Variants in CDH12 observed in about 807,000 individuals in gnomAD.
CDH12 encodes the protein cadherin-12.
CDH12 carries 41 observed loss-of-function variants against 74.1 expected under a neutral mutation model. That is an observed-to-expected ratio of 0.55 (90% CI 0.43 to 0.72). CDH12 has a LOEUF of 0.72. CDH12 is among the 30% of genes least tolerant of loss of function. The pLI, the probability that CDH12 is intolerant of heterozygous loss-of-function variation, is 0.00. For synonymous variants in CDH12, 399 were observed against 355.0 expected, an observed-to-expected ratio of 1.12 and a Z score of -1.39; for missense variants, 945 against 977.2, an observed-to-expected ratio of 0.97 and a Z score of 0.44.
intron 2 of CDH12, among the ~76,000 whole-genome samples, chr5:22,501,942 T>G (rs532111419): frequency 3.1e-4 from 47 of 152,234 alleles, no homozygotes; most frequent in Middle Eastern, 6.8e-3. Context: ...TGTCAGGACC[T>G]GATATTCATA....
At chr5:22,125,570 G>A (rs1392234666) in intron 4 of CDH12, among the ~76,000 whole-genome samples, 12 of 152,068 alleles carry the variant, frequency 7.9e-5, no homozygotes, top group Non-Finnish European at 1.2e-4. Context: ...CGGCTTAGCC[G>A]TCTCTGCTGG....
chr5:22,364,863 G>A (rs968249411), intron 3 of CDH12, among the ~76,000 whole-genome samples: 1 of 152,084 alleles, frequency 6.6e-6, no homozygotes, highest in African/African-American at 2.4e-5. Context: ...GAAAGTAGAA[G>A]AAATCAGGCC....
At chr5:22,180,345 C>T (rs1246655394) in intron 4 of CDH12, among the ~76,000 whole-genome samples, 1 of 152,088 alleles carries the variant, frequency 6.6e-6, no homozygotes, top group Non-Finnish European at 1.5e-5. Context: ...ATCTTTTCTT[C>T]CCACAACCTA....
At chr5:22,706,448 C>T (rs1743014342) in intron 1 of CDH12, among the ~76,000 whole-genome samples, 1 of 151,818 alleles carries the variant, frequency 6.6e-6, no homozygotes, top group Non-Finnish European at 1.5e-5. Flanking sequence ...ACAGATTTTA[C>T]CTTGATAAAT....
At chr5:21,837,677 G>A (rs1204607322) in intron 8 of CDH12, among the ~76,000 whole-genome samples, 1 of 152,124 alleles carries the variant, frequency 6.6e-6, no homozygotes, top group Non-Finnish European at 1.5e-5. Flanking sequence ...GGCTTTTAAA[G>A]AATTGGCTTT....
At chr5:22,411,132 A>G (rs983616645) in intron 2 of CDH12, among the ~76,000 whole-genome samples, 1 of 152,014 alleles carries the variant, frequency 6.6e-6, no homozygotes, top group Non-Finnish European at 1.5e-5. Context: ...AATAAAGGCA[A>G]GAAATAAAAT....
intron 1 of CDH12, among the ~76,000 whole-genome samples, chr5:22,666,327 A>T (rs1471080005): frequency 4.1e-5 from 5 of 122,172 alleles, no homozygotes; most frequent in Admixed American, 2.3e-4. Context: ...TCTGTCTCTG[A>T]CGCCCAGGCT....
chr5:22,079,860 AAC>A (rs1426910388), intron 4 of CDH12, among the ~76,000 whole-genome samples: 1 of 152,036 alleles, frequency 6.6e-6, no homozygotes, highest in Non-Finnish European at 1.5e-5. Flanking sequence ...ACAAAAAATA[AAC>A]AGTCAAATAA....
At chr5:22,755,942 A>G (rs902959108) in intron 1 of CDH12, among the ~76,000 whole-genome samples, 1 of 151,928 alleles carries the variant, frequency 6.6e-6, no homozygotes, top group South Asian at 2.1e-4. Context: ...AATTTTACAT[A>G]CTTTGCTTTT....
chr5:22,819,768 GAATA>G (rs61027265), intron 1 of CDH12, among the ~76,000 whole-genome samples: 3,535 of 150,798 alleles, frequency 0.023, 141 homozygotes, highest in African/African-American at 0.082. Context: ...CTCAAAATCA[GAATA>G]AATGGTCATA....
chr5:22,301,821 C>A (rs1165465684), intron 3 of CDH12, among the ~76,000 whole-genome samples: 1 of 151,466 alleles, frequency 6.6e-6, no homozygotes, highest in Non-Finnish European at 1.5e-5. Flanking sequence ...TTTATTCATT[C>A]ATTCATTTAT....
At chr5:22,821,389 A>C (rs1415841916) in intron 1 of CDH12, among the ~76,000 whole-genome samples, 3 of 152,160 alleles carry the variant, frequency 2.0e-5, no homozygotes, top group African/African-American at 7.2e-5. Flanking sequence ...GGCCAGGGCA[A>C]TCAGGCAGGA....
intron 1 of CDH12, among the ~76,000 whole-genome samples, chr5:22,581,928 G>C (rs1436456168): frequency 6.6e-6 from 1 of 152,044 alleles, no homozygotes; most frequent in Non-Finnish European, 1.5e-5. Context: ...GTTCTAACAA[G>C]AACTTTTATC....
chr5:22,820,484 G>C (rs1463786713), intron 1 of CDH12, among the ~76,000 whole-genome samples: 1 of 151,844 alleles, frequency 6.6e-6, no homozygotes, highest in Non-Finnish European at 1.5e-5. Flanking sequence ...TCGATAGACC[G>C]CTAGCAAGAC....
At chr5:21,913,337 T>G (rs1753946498) in intron 6 of CDH12, among the ~76,000 whole-genome samples, 1 of 152,088 alleles carries the variant, frequency 6.6e-6, no homozygotes, top group South Asian at 2.1e-4. Flanking sequence ...TCATCACAAT[T>G]TTTTTTAATT....
chr5:22,029,285 G>A (rs369459901), intron 5 of CDH12, among the ~76,000 whole-genome samples: 290 of 151,884 alleles, frequency 1.9e-3, no homozygotes, highest in African/African-American at 6.1e-3. Flanking sequence ...ACTAAAGAGC[G>A]TCTGCACAGC....
chr5:22,162,689 A>C (rs1748430151), intron 4 of CDH12, among the ~76,000 whole-genome samples: 1 of 152,038 alleles, frequency 6.6e-6, no homozygotes, highest in African/African-American at 2.4e-5. Flanking sequence ...CTTACAAATA[A>C]AGTTTGTAAA....
chr5:22,226,058 C>T lies in CDH12; in HGVS notation c.-332-13415G>A, dbSNP rs894184084. On this transcript the variant is annotated intron_variant, in intron 3 of 14. Coordinates refer to ENST00000382254, the MANE Select transcript of CDH12 (RefSeq NM_004061.5). ...AGAAGCTAGACGCCCCCTTTAGCTA[C>T]TTTCCCACAGTCTTCCCTTTTCTTT... is the stretch of plus-strand genomic sequence containing the variant. Among the ~76,000 whole-genome samples the T allele has an allele frequency of 7.9e-5, 12 of 151,984 alleles. 1 individual carries two copies. The highest frequency in any genetic ancestry group is 4.6e-4 in the Admixed American group (7 of 15,228).
rs1360335237 is a variant in CDH12 at position 21,913,898 on chromosome 5, G to C, written c.527-59108C>G. On this transcript the variant is annotated intron_variant, in intron 6 of 14. Coordinates refer to ENST00000382254, the MANE Select transcript of CDH12 (RefSeq NM_004061.5). ...GGAGTCTCACTGTGTTTCCCAGACT[G>C]GTCTCAAACTCCTGGGCCCAAGTGA... 2.0e-5 allele frequency among the ~76,000 whole-genome samples: 3 copies of C among 151,990 alleles called. No homozygotes were observed. In the East Asian group the frequency reaches 5.8e-4, roughly 29 times the overall value.
Sources: gnomAD v4.1 joint callset for allele counts (sites outside exome capture counted in the v4.1 genomes callset) on GRCh38, gnomAD v4.1.1 for gene constraint, MANE v1.5 for transcripts, NCBI Gene and HGNC (gene_info 2026-07-23, HGNC 2026-07-21) for gene names.